Variants in DNAJC1 observed in about 807,000 individuals in gnomAD.
DNAJC1 encodes DnaJ heat shock protein family (Hsp40) member C1, also known as dnaJ homolog subfamily C member 1.
Under a neutral mutation model 76.6 loss-of-function variants are expected in DNAJC1, and 58 were observed. That is an observed-to-expected ratio of 0.76 (90% CI 0.61 to 0.94). The LOEUF (loss-of-function observed/expected upper bound fraction) is 0.94. Among genes scored for constraint, DNAJC1 ranks in the 40% least tolerant of loss-of-function variants. The pLI, the probability that DNAJC1 is intolerant of heterozygous loss-of-function variation, is 0.00. For missense variants in DNAJC1, 689 were observed against 677.3 expected (o/e 1.02, Z -0.19); for synonymous variants, 258 against 267.9 (o/e 0.96, Z 0.36).
At chr10:21,999,544 C>T (rs2131854829) in intron 1 of DNAJC1, among the ~76,000 whole-genome samples, 1 of 151,770 alleles carries the variant, frequency 6.6e-6, no homozygotes. Flanking sequence ...CAACCTCCGC[C>T]TCCCGGGTTC....
chr10:21,926,692 T>C (rs1281077444), intron 3 of DNAJC1, among the ~76,000 whole-genome samples: 1 of 152,200 alleles, frequency 6.6e-6, no homozygotes, highest in African/African-American at 2.4e-5. Flanking sequence ...TTAGCTTCAT[T>C]AGTTAAGACT....
chr10:21,901,380 G>T (rs987410061), intron 7 of DNAJC1, among the ~76,000 whole-genome samples: 5 of 152,008 alleles, frequency 3.3e-5, no homozygotes, highest in African/African-American at 9.7e-5. Flanking sequence ...TTAGTACATA[G>T]AATTCTCTTT....
chr10:21,847,340 T>C (rs1051906615), intron 8 of DNAJC1, among the ~76,000 whole-genome samples: 3 of 152,164 alleles, frequency 2.0e-5, no homozygotes, highest in Non-Finnish European at 1.5e-5. Context: ...ATTGGACATA[T>C]TTATGGGGCA....
intron 8 of DNAJC1, among the ~76,000 whole-genome samples, chr10:21,831,931 G>A (rs537857155): frequency 3.9e-5 from 6 of 152,006 alleles, no homozygotes; most frequent in Admixed American, 1.3e-4. Context: ...CATAATATCC[G>A]CTTTAGGTAG....
At chr10:21,855,512 AAAC>A (rs1386708423) in intron 8 of DNAJC1, among the ~76,000 whole-genome samples, 10 of 152,224 alleles carry the variant, frequency 6.6e-5, no homozygotes, top group Non-Finnish European at 1.5e-4. Flanking sequence ...ATGTGATAAA[AAAC>A]AATTTTTATT....
intron 1 of DNAJC1, among the ~76,000 whole-genome samples, chr10:21,944,909 GA>G (rs1438828391): frequency 6.6e-6 from 1 of 152,160 alleles, no homozygotes; most frequent in East Asian, 1.9e-4. Context: ...GCAGAAATAG[GA>G]AAACACTGGA....
rs574085135 is a variant in DNAJC1 at position 21,938,837 on chromosome 10, A to T, written c.223-9696T>A. 3.5e-4 allele frequency among the ~76,000 whole-genome samples: 53 copies of T among 152,256 alleles called. 1 individual carries two copies. Among genetic ancestry groups the T allele is most frequent in the African/African-American group, 1.3e-3 (52 of 41,556 alleles). On this transcript the variant is annotated intron_variant, in intron 1 of 11. Transcript: ENST00000376980. ...AGTTAACCAAAACCAAAACCAAAAG[A>T]TCTTATCCAGGATCTGACCAAAGGA...
At chr10:21,784,571 A>G (rs1456720824) in intron 9 of DNAJC1, among the ~76,000 whole-genome samples, 1 of 152,184 alleles carries the variant, frequency 6.6e-6, no homozygotes, top group South Asian at 2.1e-4. Context: ...AAGGATTATA[A>G]ATCATGCTGC....
intron 9 of DNAJC1, among the ~76,000 whole-genome samples, chr10:21,799,550 G>C (rs189644017): frequency 1.6e-3 from 242 of 152,196 alleles, no homozygotes; most frequent in African/African-American, 5.5e-3. Context: ...TGATCCTCCT[G>C]TCCCAGCCTA....
Position 21,825,725 on chromosome 10 carries a change from G to T in DNAJC1, c.979-19626C>A, listed in dbSNP as rs373568000. Among the ~76,000 whole-genome samples, 48 of 152,190 alleles carry T rather than the reference G, an allele frequency of 3.2e-4. 1 individual carries two copies. The South Asian group carries it at 1.0e-2, about 32-fold the overall frequency. On this transcript the variant is annotated intron_variant, in intron 8 of 11. Transcript: ENST00000376980. ...TGTTATTGTTATAGCAATTCTAGTG[G>T]GTTTGCAGTGCTATCTTATGTGGTT... is the stretch of plus-strand genomic sequence containing the variant.
At chr10:21,998,386 T>A (rs1177605357) in intron 1 of DNAJC1, among the ~76,000 whole-genome samples, 3 of 58,464 alleles carry the variant, frequency 5.1e-5, no homozygotes, top group Non-Finnish European at 2.9e-5. Flanking sequence ...CAAGACTCCA[T>A]CTCAAAAAAA....
At chr10:21,978,572 A>G (rs909880896) in intron 1 of DNAJC1, among the ~76,000 whole-genome samples, 1 of 152,164 alleles carries the variant, frequency 6.6e-6, no homozygotes, top group Non-Finnish European at 1.5e-5. Flanking sequence ...GTCTTCCAAT[A>G]CTATCAAATT....
intron 9 of DNAJC1, among the ~76,000 whole-genome samples, chr10:21,790,205 A>C (rs1834666945): frequency 6.6e-6 from 1 of 151,598 alleles, no homozygotes; most frequent in Admixed American, 6.6e-5. Context: ...TTAAGTGAAC[A>C]AGTGTTCATA....
intron 1 of DNAJC1, among the ~76,000 whole-genome samples, chr10:21,937,504 C>T (rs1486607287): frequency 6.6e-6 from 1 of 151,974 alleles, no homozygotes; most frequent in East Asian, 1.9e-4. Flanking sequence ...GAGAAATAGA[C>T]AATTCTATAA....
chr10:21,951,180 C>T (rs893370138), intron 1 of DNAJC1, among the ~76,000 whole-genome samples: 3 of 151,968 alleles, frequency 2.0e-5, no homozygotes, highest in Admixed American at 6.6e-5. Flanking sequence ...ATTAGCAGGG[C>T]GTTGTGGTAC....
At chr10:21,846,027 A>G (rs1174677498) in intron 8 of DNAJC1, among the ~76,000 whole-genome samples, 3 of 152,214 alleles carry the variant, frequency 2.0e-5, no homozygotes, top group Non-Finnish European at 2.9e-5. Flanking sequence ...TAGTTATGAA[A>G]GATCTATAAT....
At position 21,799,676 on chromosome 10, in the gene DNAJC1, T is replaced by C. The variant is rs541394850; in HGVS notation, c.1098+6304A>G. On this transcript the variant is annotated intron_variant, in intron 9 of 11. Coordinates refer to ENST00000376980, the MANE Select transcript of DNAJC1 (RefSeq NM_022365.4). The stretch of plus-strand genomic sequence containing the variant: ...GCCATACTATCTATTCTATGAAACC[T>C]CCCTCCCTCCCAGGGTCCCTATCAT... Among the ~76,000 whole-genome samples, 5 of 152,166 alleles carry C rather than the reference T, an allele frequency of 3.3e-5. No individual in the cohort carries two copies. In the East Asian group the frequency reaches 9.6e-4, roughly 29 times the overall value.
chr10:21,938,189 A>T (rs958947241), intron 1 of DNAJC1, among the ~76,000 whole-genome samples: 1 of 152,104 alleles, frequency 6.6e-6, no homozygotes, highest in African/African-American at 2.4e-5. Context: ...ACAACTGAGG[A>T]TTAAGGAAAA....
intron 1 of DNAJC1, among the ~76,000 whole-genome samples, chr10:21,967,195 T>C (rs958017618): frequency 9.2e-5 from 14 of 152,314 alleles, no homozygotes; most frequent in African/African-American, 3.4e-4. Flanking sequence ...AATGTCTATC[T>C]GCAGTCAATC....
Sources: gnomAD v4.1 joint callset for allele counts (sites outside exome capture counted in the v4.1 genomes callset) on GRCh38, gnomAD v4.1.1 for gene constraint, MANE v1.5 for transcripts, NCBI Gene and HGNC (gene_info 2026-07-23, HGNC 2026-07-21) for gene names.